Variants in NKX2-5 observed in about 807,000 individuals in gnomAD.
NKX2-5 encodes homeobox protein Nkx-2.5.
Under a neutral mutation model 24.5 loss-of-function variants are expected in NKX2-5, and 3 were observed. The ratio of observed to expected loss-of-function variants is 0.12; its 90% CI spans 0.06 to 0.32. NKX2-5 has a LOEUF of 0.32. Ranked by LOEUF, NKX2-5 falls within the 10% of genes least tolerant of loss-of-function variation. The probability of loss-of-function intolerance (pLI) is 1.00; values close to 1 mark genes in which losing one functional copy is unlikely to be tolerated. For synonymous variants in NKX2-5, 215 were observed against 217.6 expected (o/e 0.99, Z 0.11); for missense variants, 429 against 452.4 (o/e 0.95, Z 0.47).
Position 173,234,844 on chromosome 5 carries a change from G to C in NKX2-5, c.240C>G (p.Ala80=). ...RAELGRAPSP[A]KCASAFPAAP... Reference sequence around the variant, plus strand: ...CGGCGGGAAAGGCAGACGCACACTTGGCCGGTGAAGGCGCGCGGCCCAGCT... The same window carrying C: ...CGGCGGGAAAGGCAGACGCACACTTCGCCGGTGAAGGCGCGCGGCCCAGCT... Residue 80 remains alanine, a synonymous_variant, in exon 1 of 2, where the codon GCC becomes GCG. Transcript: ENST00000329198. 1.3e-6 allele frequency: 2 copies of C among 1,587,636 alleles called. No individual in the cohort carries two copies. The highest frequency in any genetic ancestry group is 1.7e-6 in the Non-Finnish European group (2 of 1,169,562).
intron 1 of NKX2-5, chr5:173,233,513 AAAAAAAT>A (rs1238834433): frequency 1.0e-5 from 9 of 868,304 alleles, no homozygotes; most frequent in African/African-American, 3.7e-5. Context: ...TGCAAAAAAA[AAAAAAAT>A]AAATAAAAAA....
rs1761331592 is a variant in NKX2-5, at chr5:173,232,306, A to G, written c.*263T>C. 4 of 588,100 alleles carry G rather than the reference A, an allele frequency of 6.8e-6. No homozygotes were observed. Among genetic ancestry groups the G allele is most frequent in the African/African-American group, 1.9e-5 (1 of 53,162 alleles). 36.4% of individuals were successfully genotyped at this position (588,100 alleles called of 1,614,324 possible). ...GTCCCAGTTCCAACCGGGGGTGCCC[A>G]TGGACTCTCGGAGGGCACTCCTGGG... On this transcript the variant is annotated 3_prime_UTR_variant, in exon 2 of 2. Transcript: ENST00000329198. This position sits in a 1 kb window ranked among gnomAD's most constrained non-coding sequence, Gnocchi z 5.9.
At position 173,232,772 on chromosome 5, in the gene NKX2-5, C is replaced by T. The variant is rs772889193; in HGVS notation, c.772G>A (p.Gly258Ser). ...YGYNAYPAYP[G>S]YGGAACSPGY... Reference sequence around the variant, plus strand: ...GGGCTGCAGGCCGCGCCGCCGTAACCCGGATAGGCGGGGTAGGCGTTATAA... The same window carrying T: ...GGGCTGCAGGCCGCGCCGCCGTAACTCGGATAGGCGGGGTAGGCGTTATAA... Residue 258 changes from glycine (G) to serine (S), a missense_variant, in exon 2 of 2, where the codon GGT becomes AGT. This residue lies in a region of NKX2-5 where 183 missense variants were observed against 185.9 expected (regional missense o/e 0.98). Transcript: ENST00000329198. This position sits in a 1 kb window ranked among gnomAD's most constrained non-coding sequence, Gnocchi z 5.9. 5.6e-6 allele frequency: 9 copies of T among 1,609,866 alleles called. No homozygotes were observed. The highest frequency in any genetic ancestry group is 1.1e-5 in the South Asian group (1 of 90,966).
Position 173,232,347 on chromosome 5 carries a change from C to G in NKX2-5, c.*222G>C. The G allele has an allele frequency of 1.2e-6, 1 of 834,532 alleles. No homozygotes were observed. The highest frequency in any genetic ancestry group is 2.7e-5 in the East Asian group (1 of 36,424). The allele number at this position is 834,532 out of a possible 1,614,324, so 51.7% of individuals were successfully genotyped here. On this transcript the variant is annotated 3_prime_UTR_variant, in exon 2 of 2. Coordinates refer to ENST00000329198, the MANE Select transcript of NKX2-5 (RefSeq NM_004387.4). The surrounding 1 kb of genome is among the most constrained non-coding windows in gnomAD (Gnocchi z 5.9). ...CACTCCTGGGGGGACAGCTAAGACA[C>G]CAGGCTGCAGGATCACTCATTGCAC...
Position 173,233,518 on chromosome 5 carries a change from AAT to A in NKX2-5, c.335-311_335-310del, listed in dbSNP as rs774726585. 5,459 of 687,762 alleles carry A rather than the reference AAT, an allele frequency of 7.9e-3. 96 individuals carry two copies. The highest frequency in any genetic ancestry group is 0.019 in the South Asian group (874 of 46,626). 42.6% of individuals were successfully genotyped at this position (687,762 alleles called of 1,614,324 possible). A position where few individuals can be genotyped will look rare whatever the true frequency, so the allele number is the denominator to read the frequency against. On this transcript the variant is annotated intron_variant, in intron 1 of 1. Transcript: ENST00000329198. The stretch of plus-strand genomic sequence containing the variant: ...AATTTCAGGCTGCAAAAAAAAAAAA[AAT>A]AAATAAAAAAATAAAAAAATAAAAA...
rs1300201077 is a variant in NKX2-5 at position 173,233,621 on chromosome 5, G to A, written c.335-412C>T. 9 of 665,042 alleles carry A rather than the reference G, an allele frequency of 1.4e-5. No individual in the cohort carries two copies. The South Asian group carries it at 1.9e-4, about 14-fold the overall frequency. The allele number at this position is 665,042 out of a possible 1,614,324, so 41.2% of individuals were successfully genotyped here. A position where few individuals can be genotyped will look rare whatever the true frequency, so the allele number is the denominator to read the frequency against. On this transcript the variant is annotated intron_variant, in intron 1 of 1. Coordinates refer to ENST00000329198, the MANE Select transcript of NKX2-5 (RefSeq NM_004387.4). The stretch of plus-strand genomic sequence containing the variant: ...GAGAAGTTAAATGAACAGAGGCCGA[G>A]GCCTCACTGCTAGGGACGGTCTTAT...
In NKX2-5 at chr5:173,232,274, G is replaced by T. The variant is rs912038902; in HGVS notation, c.*295C>A. The T allele has an allele frequency of 4.4e-6, 2 of 459,326 alleles. No homozygotes were observed. The highest frequency in any genetic ancestry group is 7.6e-6 in the Non-Finnish European group (2 of 262,528). 28.5% of individuals were successfully genotyped at this position (459,326 alleles called of 1,614,324 possible). On this transcript the variant is annotated 3_prime_UTR_variant, in exon 2 of 2. Coordinates refer to ENST00000329198, the MANE Select transcript of NKX2-5 (RefSeq NM_004387.4). This position sits in a 1 kb window ranked among gnomAD's most constrained non-coding sequence, Gnocchi z 5.9. ...GCCAGATCTCAGGCCCTGCGTGCCCGAGCTCAGTCCCAGTTCCAACCGGGG... is the reference window on the plus strand; with the variant it reads ...GCCAGATCTCAGGCCCTGCGTGCCCTAGCTCAGTCCCAGTTCCAACCGGGG...
chr5:173,233,398 AAGTC>A (rs1439747296), intron 1 of NKX2-5, 189 bp from the exon 2 acceptor site: 5 of 1,536,798 alleles, frequency 3.3e-6, no homozygotes, highest in African/African-American at 2.7e-5. Context: ...CATTTGTAGA[AAGTC>A]AGGCTGGCTC....
chr5:173,235,103 C>A lies in NKX2-5; in HGVS notation c.-20G>T. The A allele has an allele frequency of 6.3e-7, 1 of 1,592,090 alleles. No individual in the cohort carries two copies. Among genetic ancestry groups the A allele is most frequent in the South Asian group, 1.1e-5 (1 of 88,544 alleles). On this transcript the variant is annotated 5_prime_UTR_variant, in exon 1 of 2. Transcript: ENST00000329198. ...GAACATGGTGGCAGCGCCAGTCTCA[C>A]AGCGCCAGGTGGGCGGCAGAAAGCG...
chr5:173,232,753 C>T lies in NKX2-5; in HGVS notation c.791G>A (p.Cys264Tyr), dbSNP rs1229530745. The change falls in exon 2 of 2, where the codon TGC (cysteine) becomes TAC (tyrosine). Residue 264 changes from cysteine to tyrosine, a missense_variant. Cys to Tyr is a radical substitution (Grantham distance 194). Around this residue, in one of 3 missense-constraint regions of NKX2-5, gnomAD observed 183 missense variants for 185.9 expected, o/e 0.98. Transcript: ENST00000329198. The surrounding 1 kb of genome is among the most constrained non-coding windows in gnomAD (Gnocchi z 5.9). ...PAYPGYGGAACSPGYSCTAAY... is the reference protein window; with the variant it reads ...PAYPGYGGAAYSPGYSCTAAY... ...GGCAGTGCAGCTGTAGCCAGGGCTG[C>T]AGGCCGCGCCGCCGTAACCCGGATA... 1.2e-6 allele frequency: 2 copies of T among 1,603,968 alleles called. No individual in the cohort carries two copies. Among genetic ancestry groups the T allele is most frequent in the African/African-American group, 2.7e-5 (2 of 74,898 alleles).
chr5:173,233,481 AC>A, intron 1 of NKX2-5: 1 of 1,176,596 alleles, frequency 8.5e-7, no homozygotes, highest in Non-Finnish European at 1.2e-6. Flanking sequence ...AGGGAGACAG[AC>A]GGTGACTTAA....
chr5:173,233,096 C>T lies in NKX2-5; in HGVS notation c.448G>A (p.Val150Ile), dbSNP rs201582515. The change falls in exon 2 of 2, where the codon GTC (valine) becomes ATC (isoleucine). Residue 150 changes from valine (V) to isoleucine (I), a missense_variant. By Grantham distance (29) the Val-to-Ile change is conservative. Coordinates refer to ENST00000329198, the MANE Select transcript of NKX2-5 (RefSeq NM_004387.4). Reference sequence around the variant, plus strand: ...TTGAAGCGCCGCTCCAGCTCATAGACCTGCGCCTGCGAGAAGAGCACGCGC... The same window carrying T: ...TTGAAGCGCCGCTCCAGCTCATAGATCTGCGCCTGCGAGAAGAGCACGCGC... ...KPRVLFSQAQ[V>I]YELERRFKQQ... The T allele has an allele frequency of 1.6e-5, 26 of 1,599,396 alleles. No individual in the cohort carries two copies. The highest frequency in any genetic ancestry group is 1.7e-4 in the Middle Eastern group (1 of 5,770).
In NKX2-5 at chr5:173,232,491, G is replaced by T; in HGVS notation, c.*78C>A. On this transcript the variant is annotated 3_prime_UTR_variant, in exon 2 of 2. Coordinates refer to ENST00000329198, the MANE Select transcript of NKX2-5 (RefSeq NM_004387.4). This position sits in a 1 kb window ranked among gnomAD's most constrained non-coding sequence, Gnocchi z 5.9. Reference sequence around the variant, plus strand: ...AATCCAGGGGACTCAGGGTCATGTTGGGAGCCCCTTCTCCCCCCGAGAGTC... The same window carrying T: ...AATCCAGGGGACTCAGGGTCATGTTTGGAGCCCCTTCTCCCCCCGAGAGTC... 1 of 1,575,688 alleles carries T rather than the reference G, an allele frequency of 6.3e-7. No individual in the cohort carries two copies. Among genetic ancestry groups the T allele is most frequent in the African/African-American group, 1.3e-5 (1 of 74,638 alleles).
rs376636481 is a variant in NKX2-5, at chr5:173,233,094, G to A, written c.450C>T (p.Val150=). Residue 150 remains valine (V), a synonymous_variant, in exon 2 of 2, where the codon GTC becomes GTT. Transcript: ENST00000329198. The part of the protein sequence containing the change: ...KPRVLFSQAQ[V]YELERRFKQQ... ...GCTTGAAGCGCCGCTCCAGCTCATAGACCTGCGCCTGCGAGAAGAGCACGC... is the reference window on the plus strand; with the variant it reads ...GCTTGAAGCGCCGCTCCAGCTCATAAACCTGCGCCTGCGAGAAGAGCACGC... The A allele has an allele frequency of 2.8e-5, 45 of 1,600,126 alleles. No homozygotes were observed. The highest frequency in any genetic ancestry group is 3.7e-5 in the Non-Finnish European group (44 of 1,174,134).
intron 1 of NKX2-5, chr5:173,233,589 T>G: frequency 1.4e-6 from 1 of 735,218 alleles, no homozygotes; most frequent in Admixed American, 2.7e-5. Context: ...TAGGGCTAGT[T>G]TGGTTTGAGA....
At chr5:173,233,899 C>T (rs893080287) in intron 1 of NKX2-5, 32 of 1,181,546 alleles carry the variant, frequency 2.7e-5, no homozygotes, top group Non-Finnish European at 3.4e-5. Context: ...AGCGGCCCTT[C>T]GCCCAGCGCT....
At position 173,233,891 on chromosome 5, in the gene NKX2-5, C is replaced by G. The variant is rs3131915; in HGVS notation, c.335-682G>C. On this transcript the variant is annotated intron_variant, in intron 1 of 1. Transcript: ENST00000329198. ...CTATGAATTCTCTCCCGGCTGGCAGCGGCCCTTCGCCCAGCGCTTCGCCCA... is the reference window on the plus strand; with the variant it reads ...CTATGAATTCTCTCCCGGCTGGCAGGGGCCCTTCGCCCAGCGCTTCGCCCA... The G allele has an allele frequency of 0.35, 347,867 of 985,350 alleles. 61,925 individuals carry two copies. The highest frequency in any genetic ancestry group is 0.39 in the South Asian group (8,329 of 21,286). The allele number at this position is 985,350 out of a possible 1,614,324, so 61.0% of individuals were successfully genotyped here. A position where few individuals can be genotyped will look rare whatever the true frequency, so the allele number is the denominator to read the frequency against.
Position 173,235,195 on chromosome 5 carries a change from A to T in NKX2-5, c.-112T>A. ...CCGCCCGCCCGCGCACCCGTCGGCC[A>T]GCTCTGGATGTGTCCGGGCAGCAGG... is the stretch of plus-strand genomic sequence containing the variant. On this transcript the variant is annotated 5_prime_UTR_variant, in exon 1 of 2. Coordinates refer to ENST00000329198, the MANE Select transcript of NKX2-5 (RefSeq NM_004387.4). 1 of 1,092,716 alleles carries T rather than the reference A, an allele frequency of 9.2e-7. No homozygotes were observed. Among genetic ancestry groups the T allele is most frequent in the Non-Finnish European group, 1.3e-6 (1 of 769,308 alleles). 67.7% of individuals were successfully genotyped at this position (1,092,716 alleles called of 1,614,324 possible).
chr5:173,234,414 TCTGCTTGTC>T, intron 1 of NKX2-5: 1 of 710,858 alleles, frequency 1.4e-6, no homozygotes, highest in Non-Finnish European at 1.7e-6. Context: ...ACAGAGATTA[TCTGCTTGTC>T]TCTCTGTTCT....
Sources: allele counts gnomAD v4.1 joint callset, GRCh38; gene constraint gnomAD v4.1.1; regional missense constraint gnomAD v4.1.1; non-coding constraint Gnocchi (gnomAD v3.1); transcripts MANE v1.5; gene names NCBI Gene and HGNC (gene_info 2026-07-23, HGNC 2026-07-21).